KSR2: variants seen among roughly 807,000 people sequenced by gnomAD.
KSR2 encodes the protein kinase suppressor of ras 2.
KSR2 carries 25 observed loss-of-function variants against 107.8 expected under a neutral mutation model. That is an observed-to-expected ratio of 0.23 (90% CI 0.17 to 0.32). KSR2 has a LOEUF of 0.32. Ranked by LOEUF, KSR2 falls within the 10% of genes least tolerant of loss-of-function variation. KSR2 has a pLI of 1.00. For missense variants in KSR2, 887 were observed against 1,268.9 expected, an observed-to-expected ratio of 0.70 and a Z score of 4.57; for synonymous variants, 480 against 507.0, an observed-to-expected ratio of 0.95 and a Z score of 0.71.
chr12:117,469,830 A>G lies in KSR2; in HGVS notation c.2713-35T>C, dbSNP rs150424413. On this transcript the variant is annotated intron_variant, in intron 18 of 19. Coordinates refer to ENST00000339824, the MANE Select transcript of KSR2 (RefSeq NM_173598.6). ...ACCAATGTGTGGTGATTACACATAA[A>G]TGGTGATTTCTTGATTACTCTTTGG... The G allele has an allele frequency of 1.5e-3, 2,399 of 1,608,934 alleles. 4 individuals are homozygous for G. The highest frequency in any genetic ancestry group is 1.9e-3 in the Non-Finnish European group (2,221 of 1,176,120).
chr12:117,522,271 C>G (rs770702957), intron 14 of KSR2, among the ~76,000 whole-genome samples: 1 of 151,966 alleles, frequency 6.6e-6, no homozygotes, highest in Non-Finnish European at 1.5e-5. Flanking sequence ...AACTTGCTAG[C>G]CTTTGAGAAG....
intron 5 of KSR2, among the ~76,000 whole-genome samples, chr12:117,597,560 C>T (rs1236565363): frequency 3.9e-5 from 6 of 152,176 alleles, no homozygotes; most frequent in Admixed American, 2.0e-4. Flanking sequence ...TGTAGAGGCT[C>T]ATTCTTCCGG....
intron 3 of KSR2, among the ~76,000 whole-genome samples, chr12:117,814,528 G>C (rs1484991498): frequency 6.6e-6 from 1 of 152,122 alleles, no homozygotes; most frequent in Non-Finnish European, 1.5e-5. Flanking sequence ...CAAGACCCCT[G>C]ACAAAGGGCG....
At chr12:117,827,949 C>T (rs1169785692) in intron 3 of KSR2, among the ~76,000 whole-genome samples, 1 of 152,180 alleles carries the variant, frequency 6.6e-6, no homozygotes, top group Non-Finnish European at 1.5e-5. Context: ...GACCCTTCCA[C>T]AATTCAGCTT....
intron 5 of KSR2, among the ~76,000 whole-genome samples, chr12:117,626,015 G>A (rs1256358814): frequency 6.6e-6 from 1 of 152,134 alleles, no homozygotes; most frequent in Non-Finnish European, 1.5e-5. Context: ...ATTCTCTGAT[G>A]GTAGTTTGTA....
At chr12:117,815,546 A>G (rs965438063) in intron 3 of KSR2, among the ~76,000 whole-genome samples, 4 of 152,248 alleles carry the variant, frequency 2.6e-5, no homozygotes, top group African/African-American at 9.6e-5. Flanking sequence ...GTAGCAAATC[A>G]AATAGACAAA....
At chr12:117,517,289 C>T (rs1177356308) in intron 14 of KSR2, among the ~76,000 whole-genome samples, 1 of 152,226 alleles carries the variant, frequency 6.6e-6, no homozygotes, top group Non-Finnish European at 1.5e-5. Flanking sequence ...TGTGAATTTA[C>T]ACATATTCTG....
At chr12:117,746,810 C>CA (rs1888426514) in intron 4 of KSR2, among the ~76,000 whole-genome samples, 1 of 98,504 alleles carries the variant, frequency 1.0e-5, no homozygotes, top group South Asian at 3.2e-4. Context: ...TTTATGCAGC[C>CA]AAAAAACATA....
At chr12:117,889,430 C>G (rs775414492) in intron 1 of KSR2, 1 of 152,124 alleles carries the variant, frequency 6.6e-6, no homozygotes, top group Non-Finnish European at 1.5e-5. Flanking sequence ...AATCCTCACT[C>G]GCAGCCTCTT....
intron 4 of KSR2, among the ~76,000 whole-genome samples, chr12:117,758,122 C>T (rs1888861891): frequency 6.6e-6 from 1 of 152,088 alleles, no homozygotes; most frequent in African/African-American, 2.4e-5. Context: ...CCTCTTGGGT[C>T]CACAGCTGAG....
chr12:117,859,038 C>T lies in KSR2; in HGVS notation c.321+1253G>A, dbSNP rs146647443. ...CTCACAATCCTCAAGATGTTAAGAA[C>T]GTGGTCTAATCTTTGAGAGCGGACA... On this transcript the variant is annotated intron_variant, in intron 2 of 19. Transcript: ENST00000339824. Among the ~76,000 whole-genome samples the T allele has an allele frequency of 8.4e-3, 1,277 of 151,688 alleles. 10 individuals are homozygous for T. Among genetic ancestry groups the T allele is most frequent in the Non-Finnish European group, 9.0e-3 (611 of 67,990 alleles).
At chr12:117,585,426 T>C (rs1879927401) in intron 5 of KSR2, among the ~76,000 whole-genome samples, 1 of 152,232 alleles carries the variant, frequency 6.6e-6, no homozygotes, top group Non-Finnish European at 1.5e-5. Flanking sequence ...TTTAGTAGTT[T>C]GGTCTCATTT....
intron 3 of KSR2, among the ~76,000 whole-genome samples, chr12:117,809,586 T>G (rs1011050911): frequency 1.3e-5 from 2 of 152,212 alleles, no homozygotes; most frequent in East Asian, 3.9e-4. Flanking sequence ...CTCATCAACA[T>G]CACTCTCTGT....
At chr12:117,960,575 CA>C (rs1354238642) in intron 1 of KSR2, among the ~76,000 whole-genome samples, 1 of 152,130 alleles carries the variant, frequency 6.6e-6, no homozygotes, top group Non-Finnish European at 1.5e-5. Context: ...ACCCTCCAGC[CA>C]CAGTTGAGCC....
intron 4 of KSR2, among the ~76,000 whole-genome samples, chr12:117,710,892 G>A (rs891133781): frequency 4.6e-5 from 7 of 151,804 alleles, no homozygotes; most frequent in African/African-American, 1.7e-4. Flanking sequence ...AATCATTCCT[G>A]CCTCAAGACC....
chr12:117,530,853 G>T, intron 12 of KSR2, 88 bp downstream of exon 12: 2 of 1,145,244 alleles, frequency 1.7e-6, no homozygotes, highest in Non-Finnish European at 2.6e-6. Flanking sequence ...TCCAGGAAGA[G>T]AAGGAAAGAA....
At chr12:117,549,211 G>A (rs1483698896) in intron 9 of KSR2, among the ~76,000 whole-genome samples, 3 of 152,174 alleles carry the variant, frequency 2.0e-5, no homozygotes, top group Non-Finnish European at 2.9e-5. Flanking sequence ...TGTCAGTGAC[G>A]TGTGGAGTGA....
chr12:117,563,448 C>T (rs532590943), intron 7 of KSR2, among the ~76,000 whole-genome samples: 7 of 152,236 alleles, frequency 4.6e-5, no homozygotes, highest in Admixed American at 1.3e-4. Context: ...GGCAAGCTGC[C>T]GATCCACTCA....
intron 3 of KSR2, among the ~76,000 whole-genome samples, chr12:117,798,709 C>CAAAA (rs749755380): frequency 1.1e-3 from 125 of 117,096 alleles, no homozygotes; most frequent in African/African-American, 3.2e-3. Flanking sequence ...GCAAAAAGTC[C>CAAAA]AAAAAAAAAA....
Sources: allele counts gnomAD v4.1 joint callset (sites outside exome capture counted in the v4.1 genomes callset), GRCh38; gene constraint gnomAD v4.1.1; transcripts MANE v1.5; gene names NCBI Gene and HGNC (gene_info 2026-07-23, HGNC 2026-07-21).